PARD3B: variants seen among roughly 807,000 people sequenced by gnomAD.
PARD3B encodes partitioning defective 3 homolog B.
Under a neutral mutation model 130.2 loss-of-function variants are expected in PARD3B, and 103 were observed. The observed-to-expected ratio is 0.79, with a 90% CI of 0.67 to 0.93. The LOEUF (loss-of-function observed/expected upper bound fraction) is 0.93, where lower values mean the gene tolerates loss of function less well. PARD3B is among the 40% of genes least tolerant of loss of function. The pLI, the probability that PARD3B is intolerant of heterozygous loss-of-function variation, is 0.00. For synonymous variants in PARD3B, 583 were observed against 553.2 expected (o/e 1.05, Z -0.76); for missense variants, 1,609 against 1,499.2 (o/e 1.07, Z -1.21).
In PARD3B at chr2:205,619,948, C is replaced by G. The variant is rs1427627990; in HGVS notation, c.*4135C>G. The G allele has an allele frequency of 6.6e-6, 1 of 152,084 alleles. No homozygotes were observed. Among genetic ancestry groups the G allele is most frequent in the East Asian group, 1.9e-4 (1 of 5,190 alleles). The allele number at this position is 152,084 out of a possible 1,614,324, so 9.4% of individuals were successfully genotyped here. The stretch of plus-strand genomic sequence containing the variant: ...TGTACCATCACTTTTTCTGGTGTTT[C>G]CTGTGCTTTTGTGATTCCAAGTCTG... On this transcript the variant is annotated 3_prime_UTR_variant, in exon 23 of 23. Transcript: ENST00000406610.
intron 2 of PARD3B, among the ~76,000 whole-genome samples, chr2:204,744,571 C>G (rs1029973760): frequency 1.8e-4 from 28 of 152,018 alleles, no homozygotes; most frequent in African/African-American, 5.5e-4. Context: ...ATGGCTGAAA[C>G]AAGATCTAAG....
rs539139013 is a variant in PARD3B, at chr2:205,519,951, T to C, written c.3180+19920T>C. Among the ~76,000 whole-genome samples the C allele has an allele frequency of 2.1e-3, 316 of 152,270 alleles. 1 individual carries two copies. The highest frequency in any genetic ancestry group is 4.7e-3 in the Admixed American group (72 of 15,276). On this transcript the variant is annotated intron_variant, in intron 21 of 22. Coordinates refer to ENST00000406610, the MANE Select transcript of PARD3B (RefSeq NM_001302769.2). ...TTGCTTGGTTTTGTGGCTTCCCCTG[T>C]GTTTCCTCATCATTGCAGCTATGTT...
intron 18 of PARD3B, among the ~76,000 whole-genome samples, chr2:205,359,095 T>C (rs540007223): frequency 8.5e-5 from 13 of 152,360 alleles, no homozygotes; most frequent in South Asian, 2.1e-4. Context: ...TTGGGAATTA[T>C]GCTGCCCAGC....
At position 205,478,357 on chromosome 2, in the gene PARD3B, C is replaced by A. The variant is rs943190584; in HGVS notation, c.3045-21539C>A. 5.9e-5 allele frequency among the ~76,000 whole-genome samples: 9 copies of A among 152,252 alleles called. No homozygotes were observed. In the East Asian group the frequency reaches 1.7e-3, roughly 29 times the overall value. ...TTTCTCCTGAAAATATTAATGAGAG[C>A]ACTTCAAAATGTAGGTTGTTGAATT... On this transcript the variant is annotated intron_variant, in intron 20 of 22. Coordinates refer to ENST00000406610, the MANE Select transcript of PARD3B (RefSeq NM_001302769.2).
intron 16 of PARD3B, among the ~76,000 whole-genome samples, chr2:205,249,621 A>AT (rs2039750409): frequency 6.6e-6 from 1 of 152,168 alleles, no homozygotes; most frequent in South Asian, 2.1e-4. Flanking sequence ...TTAGTCCAGT[A>AT]TTCTTGAGAT....
intron 4 of PARD3B, among the ~76,000 whole-genome samples, chr2:205,086,608 C>G (rs1453281057): frequency 2.6e-5 from 4 of 152,054 alleles, no homozygotes; most frequent in Non-Finnish European, 5.9e-5. Flanking sequence ...AGTAATTAAT[C>G]CCTTGCTACT....
At chr2:205,108,241 G>T (rs1703364038) in intron 5 of PARD3B, among the ~76,000 whole-genome samples, 1 of 152,106 alleles carries the variant, frequency 6.6e-6, no homozygotes, top group South Asian at 2.1e-4. Flanking sequence ...TCTCTCCCTT[G>T]TGGTTCCCTT....
chr2:204,830,045 G>T (rs2043751046), intron 2 of PARD3B, among the ~76,000 whole-genome samples: 1 of 148,760 alleles, frequency 6.7e-6, no homozygotes, highest in African/African-American at 2.5e-5. Context: ...TTCTCCCTTA[G>T]TGTGCTCTCT....
intron 20 of PARD3B, among the ~76,000 whole-genome samples, chr2:205,459,903 A>T (rs1040578917): frequency 3.3e-5 from 5 of 152,078 alleles, no homozygotes; most frequent in African/African-American, 1.2e-4. Flanking sequence ...CTTTGCACTC[A>T]CTGCAGCCTT....
Position 205,291,220 on chromosome 2 carries a change from A to G in PARD3B, c.2186-9310A>G, listed in dbSNP as rs2041596354. ...AAAGGTGATTCTGGCAAGGGCTCCAAAGCAAAACAAAAACAAACAAAAAAA... is the reference window on the plus strand; with the variant it reads ...AAAGGTGATTCTGGCAAGGGCTCCAGAGCAAAACAAAAACAAACAAAAAAA... On this transcript the variant is annotated intron_variant, in intron 16 of 22. Transcript: ENST00000406610. This position sits in a 1 kb window ranked among gnomAD's most constrained non-coding sequence, Gnocchi z 4.6. Among the ~76,000 whole-genome samples the G allele has an allele frequency of 6.6e-6, 1 of 152,194 alleles. No homozygotes were observed. Among genetic ancestry groups the G allele is most frequent in the Non-Finnish European group, 1.5e-5 (1 of 68,034 alleles).
Position 205,572,472 on chromosome 2 carries a change from C to T in PARD3B, c.3260+19069C>T, listed in dbSNP as rs552016125. Among the ~76,000 whole-genome samples, 95 of 152,212 alleles carry T rather than the reference C, an allele frequency of 6.2e-4. No individual in the cohort carries two copies. Among genetic ancestry groups the T allele is most frequent in the African/African-American group, 2.0e-3 (83 of 41,538 alleles). On this transcript the variant is annotated intron_variant, in intron 22 of 22. Coordinates refer to ENST00000406610, the MANE Select transcript of PARD3B (RefSeq NM_001302769.2). The surrounding 1 kb of genome is among the most constrained non-coding windows in gnomAD (Gnocchi z 4.2). ...ATAAATTGGAGAGACAGGCCGGGTG[C>T]GGTGGTGCACGCCTGTAATCCCAGC...
intron 3 of PARD3B, among the ~76,000 whole-genome samples, chr2:205,030,334 T>C (rs1439853633): frequency 6.6e-6 from 1 of 152,176 alleles, no homozygotes; most frequent in Non-Finnish European, 1.5e-5. Flanking sequence ...CAAGGCATCC[T>C]GGCCAAAAAG....
intron 1 of PARD3B, among the ~76,000 whole-genome samples, chr2:204,605,978 T>G (rs2033709161): frequency 1.3e-5 from 2 of 152,198 alleles, no homozygotes; most frequent in South Asian, 4.1e-4. Flanking sequence ...GTCTTTCCCT[T>G]TACTCGTGCT....
At position 205,484,427 on chromosome 2, in the gene PARD3B, G is replaced by A. The variant is rs564530699; in HGVS notation, c.3045-15469G>A. Among the ~76,000 whole-genome samples the A allele has an allele frequency of 3.9e-5, 6 of 152,292 alleles. No homozygotes were observed. In the East Asian group the frequency reaches 9.6e-4, roughly 24 times the overall value. On this transcript the variant is annotated intron_variant, in intron 20 of 22. Transcript: ENST00000406610. ...CATTAGTGTCTTTACCAAACAAGGGGCTGGGCAAGGAAAAGAATGTGAAAC... is the reference window on the plus strand; with the variant it reads ...CATTAGTGTCTTTACCAAACAAGGGACTGGGCAAGGAAAAGAATGTGAAAC...
At chr2:205,006,175 G>A (rs993817560) in intron 3 of PARD3B, among the ~76,000 whole-genome samples, 1 of 152,004 alleles carries the variant, frequency 6.6e-6, no homozygotes, top group Non-Finnish European at 1.5e-5. Flanking sequence ...AGTATTCCAC[G>A]GTGTATATAT....
chr2:205,595,516 C>G (rs1351550714), intron 22 of PARD3B, among the ~76,000 whole-genome samples: 2 of 152,086 alleles, frequency 1.3e-5, no homozygotes, highest in Non-Finnish European at 2.9e-5. Flanking sequence ...ATTATTAAAG[C>G]TGCAGCTTCG....
At chr2:204,727,175 T>C (rs1383565443) in intron 2 of PARD3B, among the ~76,000 whole-genome samples, 1 of 152,190 alleles carries the variant, frequency 6.6e-6, no homozygotes, top group Admixed American at 6.5e-5. Flanking sequence ...TGACTTAGCC[T>C]GCTAGGTAAC....
At chr2:204,968,324 C>A (rs181556266) in intron 3 of PARD3B, among the ~76,000 whole-genome samples, 1 of 152,122 alleles carries the variant, frequency 6.6e-6, no homozygotes, top group East Asian at 1.9e-4. Flanking sequence ...TTTTATATTT[C>A]TTTTTCCAAC....
chr2:205,170,569 C>T (rs149732530), intron 11 of PARD3B, among the ~76,000 whole-genome samples: 1,588 of 152,264 alleles, frequency 0.01, 13 homozygotes, highest in Non-Finnish European at 0.016. Flanking sequence ...CTCCAGCAGG[C>T]GGCGTGGGCA....
Sources: gnomAD v4.1 joint callset for allele counts (sites outside exome capture counted in the v4.1 genomes callset) on GRCh38, gnomAD v4.1.1 for gene constraint, Gnocchi (gnomAD v3.1) non-coding constraint, MANE v1.5 for transcripts, NCBI Gene and HGNC (gene_info 2026-07-23, HGNC 2026-07-21) for gene names.